Variants in PRKCI observed in about 807,000 individuals in gnomAD.
PRKCI encodes protein kinase C iota.
Under a neutral mutation model 84.0 loss-of-function variants are expected in PRKCI, and 43 were observed. The ratio of observed to expected loss-of-function variants is 0.51; its 90% CI spans 0.40 to 0.66. The LOEUF (loss-of-function observed/expected upper bound fraction) is 0.66. PRKCI is among the 30% of genes least tolerant of loss of function. The pLI, the probability that PRKCI is intolerant of heterozygous loss-of-function variation, is 0.00. For missense variants in PRKCI, 459 were observed against 745.6 expected, an observed-to-expected ratio of 0.62 and a Z score of 4.48; for synonymous variants, 216 against 234.4, an observed-to-expected ratio of 0.92 and a Z score of 0.72.
At chr3:170,263,333 A>T (rs751901716) in intron 3 of PRKCI, 46 bp from the exon 4 acceptor site, 1 of 1,477,088 alleles carries the variant, frequency 6.8e-7, no homozygotes, top group Non-Finnish European at 9.4e-7. Context: ...TGTAATTTGT[A>T]TGTTTTAAAT....
Position 170,263,434 on chromosome 3 carries a change from G to C in PRKCI, c.364+5G>C, listed in dbSNP as rs1432234220. ...TGCCTTGTCCAGGAGAAGATAGTGAGTGTTTATATACTTCATACCTTTTAC... is the reference window on the plus strand; with the variant it reads ...TGCCTTGTCCAGGAGAAGATAGTGACTGTTTATATACTTCATACCTTTTAC... On this transcript the variant is annotated splice_donor_5th_base_variant and intron_variant, in intron 4 of 17. Coordinates refer to ENST00000295797, the MANE Select transcript of PRKCI (RefSeq NM_002740.6). The C allele has an allele frequency of 6.3e-7, 1 of 1,577,218 alleles. No individual in the cohort carries two copies. The highest frequency in any genetic ancestry group is 8.7e-7 in the Non-Finnish European group (1 of 1,146,666).
intron 3 of PRKCI, among the ~76,000 whole-genome samples, chr3:170,260,808 T>G (rs1418049551): frequency 2.0e-5 from 3 of 152,108 alleles, no homozygotes; most frequent in Admixed American, 6.6e-5. Context: ...AACCTTGAGA[T>G]GTAGGAAGTG....
intron 8 of PRKCI, among the ~76,000 whole-genome samples, chr3:170,275,741 G>C (rs907594723): frequency 3.4e-4 from 51 of 151,846 alleles, no homozygotes; most frequent in African/African-American, 1.2e-3. Flanking sequence ...TCAGTTTTTT[G>C]AAAAAAGCTT....
intron 1 of PRKCI, among the ~76,000 whole-genome samples, chr3:170,223,024 G>A (rs1732533624): frequency 6.6e-6 from 1 of 152,132 alleles, no homozygotes; most frequent in African/African-American, 2.4e-5. Context: ...AGGAAGCTAG[G>A]GTTAGAGTAG....
intron 10 of PRKCI, 91 bp from the exon 11 acceptor site, chr3:170,281,791 G>A: frequency 6.8e-7 from 1 of 1,466,768 alleles, no homozygotes; most frequent in Non-Finnish European, 9.0e-7. Flanking sequence ...AAATAGTAGA[G>A]AATGCTCTCT....
intron 2 of PRKCI, among the ~76,000 whole-genome samples, chr3:170,242,299 C>A (rs78278020): frequency 0.012 from 1,753 of 151,334 alleles, 39 homozygotes; most frequent in African/African-American, 0.04. Context: ...TATTAACAGC[C>A]AGGCATAGGG....
chr3:170,272,156 A>C (rs893031258), intron 6 of PRKCI, among the ~76,000 whole-genome samples: 1 of 152,182 alleles, frequency 6.6e-6, no homozygotes, highest in African/African-American at 2.4e-5. Context: ...ACTTTCTGGC[A>C]AATCTTACTT....
chr3:170,297,459 G>T, intron 16 of PRKCI, 66 bp downstream of exon 16: 1 of 1,312,448 alleles, frequency 7.6e-7, no homozygotes, highest in Non-Finnish European at 1.1e-6. Context: ...TTTTGTTGTT[G>T]TTCTGTTTGT....
intron 3 of PRKCI, 30 bp from the exon 4 acceptor site, chr3:170,263,349 G>T: frequency 6.4e-7 from 1 of 1,563,194 alleles, no homozygotes; most frequent in Admixed American, 1.7e-5. Context: ...TAAATATGCT[G>T]TTAACTCATG....
intron 1 of PRKCI, 28 bp downstream of exon 1, chr3:170,222,798 C>T (rs751226441): frequency 3.9e-6 from 2 of 513,240 alleles, no homozygotes; most frequent in South Asian, 3.3e-5. Flanking sequence ...GGGCGGTGGG[C>T]GGGAGGGGAC....
At chr3:170,256,596 A>G (rs1733587445) in intron 2 of PRKCI, among the ~76,000 whole-genome samples, 1 of 151,690 alleles carries the variant, frequency 6.6e-6, no homozygotes, top group African/African-American at 2.4e-5. Flanking sequence ...TGTTGATACT[A>G]TTTGTCTTTT....
At chr3:170,289,912 A>C (rs144820071) in intron 12 of PRKCI, among the ~76,000 whole-genome samples, 2 of 151,954 alleles carry the variant, frequency 1.3e-5, no homozygotes, top group African/African-American at 2.4e-5. Context: ...CTCCATCTTA[A>C]AAGAAGAAAA....
At chr3:170,232,023 C>A (rs1577339291) in intron 1 of PRKCI, among the ~76,000 whole-genome samples, 1 of 150,636 alleles carries the variant, frequency 6.6e-6, no homozygotes, top group African/African-American at 2.4e-5. Flanking sequence ...AAAAGTGGAA[C>A]AAAAGAAAAA....
At chr3:170,270,790 T>G (rs1049963793) in intron 6 of PRKCI, among the ~76,000 whole-genome samples, 1 of 152,172 alleles carries the variant, frequency 6.6e-6, no homozygotes, top group Non-Finnish European at 1.5e-5. Flanking sequence ...CTTTACCTGC[T>G]GTAAAATCCT....
Position 170,305,312 on chromosome 3 carries a change from G to A in PRKCI, c.*2185G>A, listed in dbSNP as rs532943656. On this transcript the variant is annotated 3_prime_UTR_variant, in exon 18 of 18. Coordinates refer to ENST00000295797, the MANE Select transcript of PRKCI (RefSeq NM_002740.6). Reference sequence around the variant, plus strand: ...TCACTTTGAGAAATACCTTCTTCAGGTTATTCTTTATGTTTGTCCTGTGGT... The same window carrying A: ...TCACTTTGAGAAATACCTTCTTCAGATTATTCTTTATGTTTGTCCTGTGGT... 6.6e-6 allele frequency: 1 copy of A among 152,602 alleles called. No individual in the cohort carries two copies. The highest frequency in any genetic ancestry group is 1.9e-4 in the East Asian group (1 of 5,186). 9.5% of individuals were successfully genotyped at this position (152,602 alleles called of 1,614,324 possible).
chr3:170,280,345 A>G lies in PRKCI; in HGVS notation c.824A>G (p.Lys275Arg). Residue 275 changes from lysine to arginine, a missense_variant, in exon 9 of 18, where the codon AAA (lysine) becomes AGA (arginine). Lys to Arg is a conservative substitution (Grantham distance 26, BLOSUM62 2). This residue lies in a region of PRKCI where 209 missense variants were observed against 425.9 expected (regional missense o/e 0.49). Transcript: ENST00000295797. The part of the protein sequence containing the change: ...YAKVLLVRLK[K>R]TDRIYAMKVV... ...AAAGTACTGTTGGTTCGATTAAAAA[A>G]AACAGATCGTATTTATGCAATGAAA... 2.5e-6 allele frequency: 4 copies of G among 1,614,104 alleles called. No individual in the cohort carries two copies. Among genetic ancestry groups the G allele is most frequent in the Non-Finnish European group, 3.4e-6 (4 of 1,179,968 alleles).
intron 5 of PRKCI, among the ~76,000 whole-genome samples, chr3:170,270,117 T>C (rs1733961913): frequency 6.6e-6 from 1 of 152,246 alleles, no homozygotes; most frequent in East Asian, 1.9e-4. Flanking sequence ...TTCTGCCATA[T>C]ATATTTCTAG....
At chr3:170,289,111 T>G (rs914180198) in intron 12 of PRKCI, among the ~76,000 whole-genome samples, 12 of 152,224 alleles carry the variant, frequency 7.9e-5, no homozygotes, top group African/African-American at 2.9e-4. Context: ...CATTCTGACA[T>G]TCAGTCAACA....
chr3:170,287,353 T>A (rs566835863), intron 12 of PRKCI, among the ~76,000 whole-genome samples: 264 of 149,048 alleles, frequency 1.8e-3, no homozygotes, highest in African/African-American at 6.0e-3. Context: ...AGAGAGAGAG[T>A]AATAAATATA....
Sources: allele counts gnomAD v4.1 joint callset (sites outside exome capture counted in the v4.1 genomes callset), GRCh38; gene constraint gnomAD v4.1.1; regional missense constraint gnomAD v4.1.1; transcripts MANE v1.5; gene names NCBI Gene and HGNC (gene_info 2026-07-23, HGNC 2026-07-21).